The following PPARGC1B variants were observed in gnomAD, a reference collection of about 807,000 sequenced individuals.
The protein encoded by PPARGC1B is PPARG coactivator 1 beta, also known as peroxisome proliferator-activated receptor gamma coactivator 1-beta.
In PPARGC1B, 34 loss-of-function variants were observed where a neutral mutation model predicts 101.6. The ratio of observed to expected loss-of-function variants is 0.33; its 90% confidence interval spans 0.25 to 0.45. The LOEUF is 0.45. Among genes scored for constraint, PPARGC1B ranks in the 20% least tolerant of loss-of-function variants. PPARGC1B has a pLI of 1.00. For missense variants in PPARGC1B, 1,234 were observed against 1,317.6 expected (o/e 0.94, Z 0.98); for synonymous variants, 548 against 539.3 (o/e 1.02, Z -0.22).
intron 1 of PPARGC1B, among the ~76,000 whole-genome samples, chr5:149,774,021 C>A (rs576920421): frequency 3.0e-4 from 46 of 152,334 alleles, no homozygotes; most frequent in African/African-American, 1.1e-3. Flanking sequence ...AGCCTCAGGG[C>A]TCCAGCCTGA....
At position 149,832,929 on chromosome 5, in the gene PPARGC1B, G is replaced by T; in HGVS notation, c.856G>T (p.Ala286Ser). The T allele has an allele frequency of 1.2e-6, 2 of 1,613,184 alleles. No individual in the cohort carries two copies. Among genetic ancestry groups the T allele is most frequent in the Non-Finnish European group, 1.7e-6 (2 of 1,180,014 alleles). The change falls in exon 5 of 12, where the codon GCG becomes TCG. Residue 286 changes from alanine to serine, a missense_variant. Coordinates refer to ENST00000309241, the MANE Select transcript of PPARGC1B (RefSeq NM_133263.4). The surrounding 1 kb of genome is among the most constrained non-coding windows in gnomAD (Gnocchi z 4.9). Reference sequence around the variant, plus strand: ...CCCGGTTTCCCAGGAAGACATGCAGGCGATGGTGCAACTCATACGCTACAT... The same window carrying T: ...CCCGGTTTCCCAGGAAGACATGCAGTCGATGGTGCAACTCATACGCTACAT... ...GAPVSQEDMQ[A>S]MVQLIRYMHT... is the part of the protein sequence containing the mutation.
At chr5:149,823,059 CCTTCCATTTCT>C (rs1758367429) in intron 2 of PPARGC1B, among the ~76,000 whole-genome samples, 1 of 152,224 alleles carries the variant, frequency 6.6e-6, no homozygotes, top group Non-Finnish European at 1.5e-5. Context: ...AGGGACGTTG[CCTTCCATTTCT>C]CTTCCATTTC....
In PPARGC1B at chr5:149,819,285, T is replaced by C. The variant is rs965573962; in HGVS notation, c.79-1148T>C. Among the ~76,000 whole-genome samples, 3 of 152,226 alleles carry C rather than the reference T, an allele frequency of 2.0e-5. No homozygotes were observed. In the East Asian group the frequency reaches 5.8e-4, roughly 29 times the overall value. ...TGGGTTTATGACCGTCTAGATCTTT[T>C]CCTGTGTGTTTGCATACATGCTATC... On this transcript the variant is annotated intron_variant, in intron 1 of 11. Coordinates refer to ENST00000309241, the MANE Select transcript of PPARGC1B (RefSeq NM_133263.4).
rs1425986941 is a variant in PPARGC1B, at chr5:149,832,307, C to T, written c.583-349C>T. ...CATTTGTAGCAAGTCCTTCCTACGC[C>T]CAGCTCCAGGCTACCATGAACCTAC... On this transcript the variant is annotated intron_variant, in intron 4 of 11. Transcript: ENST00000309241. The surrounding 1 kb of genome is among the most constrained non-coding windows in gnomAD (Gnocchi z 4.9). Among the ~76,000 whole-genome samples the T allele has an allele frequency of 6.6e-6, 1 of 152,150 alleles. No individual in the cohort carries two copies. The highest frequency in any genetic ancestry group is 1.5e-5 in the Non-Finnish European group (1 of 68,024).
intron 1 of PPARGC1B, among the ~76,000 whole-genome samples, chr5:149,789,852 C>T (rs1355404668): frequency 6.6e-6 from 1 of 152,204 alleles, no homozygotes; most frequent in Non-Finnish European, 1.5e-5. Context: ...AACCCAGTCC[C>T]TCATGAAAAT....
Position 149,837,138 on chromosome 5 carries a change from G to A in PPARGC1B, c.2618+65G>A. ...AGGATCCCAGTTCCCGGGGAGCCAGGAGCCCCAGGAGGGAGGATCCCTGGG... is the reference window on the plus strand; with the variant it reads ...AGGATCCCAGTTCCCGGGGAGCCAGAAGCCCCAGGAGGGAGGATCCCTGGG... On this transcript the variant is annotated intron_variant, in intron 8 of 11. Coordinates refer to ENST00000309241, the MANE Select transcript of PPARGC1B (RefSeq NM_133263.4). The surrounding 1 kb of genome is among the most constrained non-coding windows in gnomAD (Gnocchi z 4.2). 1 of 1,525,198 alleles carries A rather than the reference G, an allele frequency of 6.6e-7. No individual in the cohort carries two copies. Among genetic ancestry groups the A allele is most frequent in the Non-Finnish European group, 8.8e-7 (1 of 1,138,474 alleles). 94.5% of individuals were successfully genotyped at this position (1,525,198 alleles called of 1,614,324 possible). A position where few individuals can be genotyped will look rare whatever the true frequency, so the allele number is the denominator to read the frequency against.
rs1178124046 is a variant in PPARGC1B, at chr5:149,832,782, C to T, written c.709C>T (p.Leu237Phe). The stretch of plus-strand genomic sequence containing the variant: ...GGATCGGGGTCTGCAGCCACCATGC[C>T]TCCAGAGTCCCCGGCTCCCTGCCAA... Reference protein sequence around the residue: ...LQDRGLQPPCLQSPRLPAKED... With the variant: ...LQDRGLQPPCFQSPRLPAKED... Residue 237 changes from leucine (L) to phenylalanine (F), a missense_variant, in exon 5 of 12, where the codon CTC becomes TTC. Transcript: ENST00000309241. The surrounding 1 kb of genome is among the most constrained non-coding windows in gnomAD (Gnocchi z 4.9). 2 of 1,613,240 alleles carry T rather than the reference C, an allele frequency of 1.2e-6. 1 individual carries two copies. Among genetic ancestry groups the T allele is most frequent in the South Asian group, 2.2e-5 (2 of 90,972 alleles).
intron 1 of PPARGC1B, among the ~76,000 whole-genome samples, chr5:149,807,190 A>G (rs541593362): frequency 1.0e-3 from 154 of 151,210 alleles, no homozygotes; most frequent in African/African-American, 3.6e-3. Flanking sequence ...AAAATTTACC[A>G]TTTATAAAGT....
chr5:149,788,989 T>TG (rs1248067825), intron 1 of PPARGC1B, among the ~76,000 whole-genome samples: 1 of 152,014 alleles, frequency 6.6e-6, no homozygotes, highest in Non-Finnish European at 1.5e-5. Flanking sequence ...GACGAGTTAA[T>TG]GGGGGGTGCA....
Position 149,820,539 on chromosome 5 carries a change from A to G in PPARGC1B, c.185A>G (p.Gln62Arg), listed in dbSNP as rs1239192150. The change falls in exon 2 of 12, where the codon CAG becomes CGG. Residue 62 changes from glutamine (Q) to arginine (R), a missense_variant. Transcript: ENST00000309241. ...FDSATCFGEL[Q>R]WCPENSETEP... ...TCGGCCACCTGCTTTGGGGAGCTGC[A>G]GTGGTGCCCAGAGAACTCAGAGACT... The G allele has an allele frequency of 1.2e-6, 2 of 1,613,888 alleles. No homozygotes were observed. Among genetic ancestry groups the G allele is most frequent in the Non-Finnish European group, 1.7e-6 (2 of 1,180,038 alleles).
rs187007117 is a variant in PPARGC1B at position 149,796,925 on chromosome 5, C to T, written c.79-23508C>T. ...GAAAGGGCTCCTTTGCAGGCATAGC[C>T]GAGGACAGAGTTAATGCATGGAAGG... On this transcript the variant is annotated intron_variant, in intron 1 of 11. Transcript: ENST00000309241. Among the ~76,000 whole-genome samples, 10 of 152,254 alleles carry T rather than the reference C, an allele frequency of 6.6e-5. No homozygotes were observed. The East Asian group carries it at 7.7e-4, about 12-fold the overall frequency.
At position 149,835,330 on chromosome 5, in the gene PPARGC1B, A is replaced by G. The variant is rs898826142; in HGVS notation, c.1772A>G (p.Glu591Gly). The change falls in exon 7 of 12, where the codon GAG becomes GGG. Residue 591 changes from glutamate to glycine, a missense_variant. Around this residue, in one of 3 missense-constraint regions of PPARGC1B, gnomAD observed 734 missense variants for 768.4 expected, o/e 0.96. Transcript: ENST00000309241. ...CCAACTTTTGGCAAGAAGAGCTTTG[A>G]GCAGACCTTGACAGTGGAGCTCTGT... Reference protein sequence around the residue: ...SDPTFGKKSFEQTLTVELCGT... With the variant: ...SDPTFGKKSFGQTLTVELCGT... The G allele has an allele frequency of 3.1e-6, 5 of 1,614,046 alleles. No individual in the cohort carries two copies. In the African/African-American group the frequency reaches 5.3e-5, roughly 17 times the overall value.
chr5:149,836,429 C>T lies in PPARGC1B; in HGVS notation c.1974C>T (p.His658=). The part of the protein sequence containing the change: ...PGAAHKLPKK[H]PERSELLSHL... ...CTGCCCACAAGCTGCCAAAGAAGCA[C>T]CCAGAGCGAAGTGAGCTCCTGTCCC... is the stretch of plus-strand genomic sequence containing the variant. Residue 658 remains histidine (H), a synonymous_variant, in exon 8 of 12, where the codon CAC becomes CAT. Transcript: ENST00000309241. 4 of 1,614,142 alleles carry T rather than the reference C, an allele frequency of 2.5e-6. No homozygotes were observed. The highest frequency in any genetic ancestry group is 2.2e-5 in the East Asian group (1 of 44,868).
At chr5:149,742,256 C>G (rs1205450887) in intron 1 of PPARGC1B, among the ~76,000 whole-genome samples, 1 of 152,288 alleles carries the variant, frequency 6.6e-6, no homozygotes, top group Non-Finnish European at 1.5e-5. Context: ...ATGGGGGCCC[C>G]GCCATGAAGT....
rs548646080 is a variant in PPARGC1B, at chr5:149,834,855, A to G, written c.1742+145A>G. The G allele has an allele frequency of 1.4e-4, 101 of 723,564 alleles. No homozygotes were observed. The Middle Eastern group carries it at 2.5e-3, about 18-fold the overall frequency. 44.8% of individuals were successfully genotyped at this position (723,564 alleles called of 1,614,324 possible). On this transcript the variant is annotated intron_variant, in intron 6 of 11. Transcript: ENST00000309241. ...GCCCTGATTGTCATCTGGGACCCTC[A>G]GGAGCTGGGCTCCTTTAGAAGGGAG...
intron 1 of PPARGC1B, among the ~76,000 whole-genome samples, chr5:149,747,195 CT>C (rs1755123096): frequency 6.6e-6 from 1 of 152,156 alleles, no homozygotes; most frequent in Admixed American, 6.5e-5. Context: ...AAGCCTTTGC[CT>C]GCTTTGTTTT....
chr5:149,764,185 A>G (rs559731049), intron 1 of PPARGC1B, among the ~76,000 whole-genome samples: 4 of 152,358 alleles, frequency 2.6e-5, no homozygotes, highest in Non-Finnish European at 1.5e-5. Flanking sequence ...TGAGGTCCAG[A>G]GAGGCACCCA....
At chr5:149,794,524 G>GCACACACACACACACA (rs35484083) in intron 1 of PPARGC1B, among the ~76,000 whole-genome samples, 5 of 143,674 alleles carry the variant, frequency 3.5e-5, no homozygotes, top group African/African-American at 5.0e-5. Flanking sequence ...ATGTGAGCGT[G>GCACACACACACACACA]CACACACACA....
rs1362528923 is a variant in PPARGC1B at position 149,830,761 on chromosome 5, C to T, written c.466-6C>T. ...CCGGCTCCTGTCCTCTCTGCTTTTCCCTCAGCTGCAGAAGCTCCTCCTGGC... is the reference window on the plus strand; with the variant it reads ...CCGGCTCCTGTCCTCTCTGCTTTTCTCTCAGCTGCAGAAGCTCCTCCTGGC... On this transcript the variant is annotated splice_polypyrimidine_tract_variant and splice_region_variant and intron_variant, in intron 3 of 11. Coordinates refer to ENST00000309241, the MANE Select transcript of PPARGC1B (RefSeq NM_133263.4). The T allele has an allele frequency of 1.2e-6, 2 of 1,610,046 alleles. No individual in the cohort carries two copies. Among genetic ancestry groups the T allele is most frequent in the African/African-American group, 2.7e-5 (2 of 74,846 alleles).
Sources: allele counts gnomAD v4.1 joint callset (sites outside exome capture counted in the v4.1 genomes callset), GRCh38; gene constraint gnomAD v4.1.1; regional missense constraint gnomAD v4.1.1; non-coding constraint Gnocchi (gnomAD v3.1); transcripts MANE v1.5; gene names NCBI Gene and HGNC (gene_info 2026-07-23, HGNC 2026-07-21).